Variants in RCAN2 observed in about 807,000 individuals in gnomAD.
The protein encoded by RCAN2 is regulator of calcineurin 2, also known as calcipressin-2.
In RCAN2, 9 loss-of-function variants were observed where a neutral mutation model predicts 23.6. The observed-to-expected ratio is 0.38, with a 90% confidence interval of 0.23 to 0.67. RCAN2 has a LOEUF of 0.67. Among genes scored for constraint, RCAN2 ranks in the 30% least tolerant of loss-of-function variants. The pLI, the probability that RCAN2 is intolerant of heterozygous loss-of-function variation, is 0.51. For synonymous variants in RCAN2, 109 were observed against 115.7 expected, an observed-to-expected ratio of 0.94 and a Z score of 0.37; for missense variants, 273 against 302.3, an observed-to-expected ratio of 0.90 and a Z score of 0.72.
At chr6:46,456,183 T>C (rs534586760) in intron 2 of RCAN2, among the ~76,000 whole-genome samples, 2 of 152,122 alleles carry the variant, frequency 1.3e-5, no homozygotes, top group East Asian at 1.9e-4. Flanking sequence ...AATTGAGGAG[T>C]TGCTGCTTCA....
intron 2 of RCAN2, among the ~76,000 whole-genome samples, chr6:46,430,082 C>T (rs1185831986): frequency 1.3e-5 from 2 of 152,116 alleles, no homozygotes; most frequent in Non-Finnish European, 2.9e-5. Flanking sequence ...TTACACATAC[C>T]ATATTTGAGC....
At chr6:46,273,372 G>A (rs1227712222) in intron 2 of RCAN2, among the ~76,000 whole-genome samples, 5 of 152,296 alleles carry the variant, frequency 3.3e-5, no homozygotes, top group Admixed American at 2.6e-4. Context: ...ACATTATGGT[G>A]TTTGCGTAGC....
chr6:46,322,725 A>C lies in RCAN2; in HGVS notation c.226-73829T>G, dbSNP rs533368646. 4.6e-5 allele frequency among the ~76,000 whole-genome samples: 7 copies of C among 152,252 alleles called. No individual in the cohort carries two copies. The South Asian group carries it at 1.4e-3, about 32-fold the overall frequency. On this transcript the variant is annotated intron_variant, in intron 2 of 4. Coordinates refer to ENST00000371374, the MANE Select transcript of RCAN2 (RefSeq NM_001251974.2). ...TAAGCAGGTGAGACAGACCCTTTCCATGTGCCTCCCTTTTCTCTGACAATA... is the reference window on the plus strand; with the variant it reads ...TAAGCAGGTGAGACAGACCCTTTCCCTGTGCCTCCCTTTTCTCTGACAATA...
At chr6:46,232,984 G>A (rs750314100) in intron 4 of RCAN2, among the ~76,000 whole-genome samples, 1 of 152,042 alleles carries the variant, frequency 6.6e-6, no homozygotes, top group South Asian at 2.1e-4. Context: ...CACACAATGT[G>A]CCCCCTCCCT....
At chr6:46,296,135 T>C (rs896964634) in intron 2 of RCAN2, among the ~76,000 whole-genome samples, 8 of 150,226 alleles carry the variant, frequency 5.3e-5, no homozygotes, top group Non-Finnish European at 1.2e-4. Flanking sequence ...TGGCCTGCCA[T>C]GTTGATTTCC....
intron 2 of RCAN2, among the ~76,000 whole-genome samples, chr6:46,270,590 C>T (rs986038746): frequency 1.3e-5 from 2 of 152,154 alleles, no homozygotes; most frequent in Non-Finnish European, 2.9e-5. Context: ...TATGCAAGCC[C>T]CTCCCTTTGA....
In RCAN2 at chr6:46,223,317, A is replaced by C; in HGVS notation, c.572-16T>G. The C allele has an allele frequency of 6.2e-7, 1 of 1,609,666 alleles. No homozygotes were observed. Among genetic ancestry groups the C allele is most frequent in the Non-Finnish European group, 8.5e-7 (1 of 1,177,168 alleles). On this transcript the variant is annotated splice_polypyrimidine_tract_variant and intron_variant, in intron 4 of 4. Transcript: ENST00000371374. ...TACTTCTCTCCTGAAAAGCAAGAAA[A>C]ATGGAAGTGAGAAAGAGGGGGGGAT... is the stretch of plus-strand genomic sequence containing the variant.
chr6:46,381,158 C>T (rs140688855), intron 2 of RCAN2, among the ~76,000 whole-genome samples: 423 of 152,304 alleles, frequency 2.8e-3, no homozygotes, highest in African/African-American at 9.8e-3. Flanking sequence ...ATTCCCTCCC[C>T]CATCTCATTT....
chr6:46,475,952 C>A (rs1332031318), intron 1 of RCAN2, among the ~76,000 whole-genome samples: 1 of 152,132 alleles, frequency 6.6e-6, no homozygotes, highest in African/African-American at 2.4e-5. Context: ...TTCTCATGGA[C>A]TCTGTTTTAA....
chr6:46,296,909 C>A (rs909700124), intron 2 of RCAN2, among the ~76,000 whole-genome samples: 2 of 152,116 alleles, frequency 1.3e-5, no homozygotes, highest in Non-Finnish European at 2.9e-5. Context: ...GCAAGTCACA[C>A]AGAGATTTAA....
chr6:46,236,097 A>G (rs72861636), intron 4 of RCAN2, among the ~76,000 whole-genome samples: 24 of 152,338 alleles, frequency 1.6e-4, no homozygotes, highest in Non-Finnish European at 2.5e-4. Flanking sequence ...GTTGCCCCCA[A>G]GTAATTTCTG....
chr6:46,375,480 C>T (rs970742803), intron 2 of RCAN2, among the ~76,000 whole-genome samples: 1 of 152,186 alleles, frequency 6.6e-6, no homozygotes, highest in Non-Finnish European at 1.5e-5. Context: ...GCAACTCTTA[C>T]TTTAAACTAA....
chr6:46,445,132 C>T (rs1767666279), intron 2 of RCAN2, among the ~76,000 whole-genome samples: 1 of 152,182 alleles, frequency 6.6e-6, no homozygotes, highest in Non-Finnish European at 1.5e-5. Flanking sequence ...TCTTCAGACT[C>T]AGACTCAAAG....
chr6:46,293,841 G>T lies in RCAN2; in HGVS notation c.226-44945C>A, dbSNP rs145683676. Among the ~76,000 whole-genome samples the T allele has an allele frequency of 4.0e-3, 607 of 152,328 alleles. 5 individuals carry two copies. Among genetic ancestry groups the T allele is most frequent in the African/African-American group, 0.014 (575 of 41,576 alleles). On this transcript the variant is annotated intron_variant, in intron 2 of 4. Coordinates refer to ENST00000371374, the MANE Select transcript of RCAN2 (RefSeq NM_001251974.2). ...AACTCTTGAGTGATTTTGAAAGTGA[G>T]CAGGAGTTGGCTAGGCAAAACAGAG...
chr6:46,339,156 G>A (rs1469362366), intron 2 of RCAN2, among the ~76,000 whole-genome samples: 1 of 151,628 alleles, frequency 6.6e-6, no homozygotes, highest in Non-Finnish European at 1.5e-5. Flanking sequence ...ATCAACCTAG[G>A]CACAGGCCAT....
chr6:46,445,504 G>C (rs922781017), intron 2 of RCAN2, among the ~76,000 whole-genome samples: 2 of 152,202 alleles, frequency 1.3e-5, no homozygotes, highest in Admixed American at 6.5e-5. Context: ...CAAATGCATA[G>C]AAACTAATAC....
chr6:46,461,471 A>C (rs1193020102), intron 1 of RCAN2, among the ~76,000 whole-genome samples: 5 of 152,222 alleles, frequency 3.3e-5, no homozygotes, highest in Admixed American at 6.5e-5. Flanking sequence ...ACTTCTTTAG[A>C]TAAAGAAAAG....
At chr6:46,257,358 G>T (rs1658660563) in intron 2 of RCAN2, among the ~76,000 whole-genome samples, 1 of 152,100 alleles carries the variant, frequency 6.6e-6, no homozygotes, top group African/African-American at 2.4e-5. Context: ...AATTTTTGTT[G>T]TCCTTGAGAA....
chr6:46,473,963 T>C (rs1009098386), intron 1 of RCAN2, among the ~76,000 whole-genome samples: 4 of 152,222 alleles, frequency 2.6e-5, no homozygotes, highest in African/African-American at 9.6e-5. Flanking sequence ...TCCTGATTCC[T>C]CTTAGATGAT....
Sources: allele counts gnomAD v4.1 joint callset (sites outside exome capture counted in the v4.1 genomes callset), GRCh38; gene constraint gnomAD v4.1.1; transcripts MANE v1.5; gene names NCBI Gene and HGNC (gene_info 2026-07-23, HGNC 2026-07-21).